Variants in EIF3H observed in about 807,000 individuals in gnomAD.
The protein encoded by EIF3H is eIF-3-gamma.
A neutral mutation model predicts 44.2 loss-of-function variants in EIF3H; 26 were observed. The ratio of observed to expected loss-of-function variants is 0.59; its 90% CI spans 0.43 to 0.82. The LOEUF (loss-of-function observed/expected upper bound fraction) is 0.82. Ranked by LOEUF, EIF3H falls within the 40% of genes least tolerant of loss-of-function variation. EIF3H has a pLI of 0.00. For missense variants in EIF3H, 359 were observed against 432.8 expected (o/e 0.83, Z 1.51); for synonymous variants, 166 against 151.9 (o/e 1.09, Z -0.68).
intron 2 of EIF3H, among the ~76,000 whole-genome samples, chr8:116,670,586 A>G (rs1813735958): frequency 6.6e-6 from 1 of 152,166 alleles, no homozygotes; most frequent in Non-Finnish European, 1.5e-5. Context: ...GAAAGAGAAA[A>G]AGCTGTGCAT....
intron 2 of EIF3H, among the ~76,000 whole-genome samples, chr8:116,714,180 T>C (rs1378495161): frequency 1.3e-5 from 2 of 152,106 alleles, no homozygotes; most frequent in East Asian, 3.8e-4. Flanking sequence ...GAGGTGTGTG[T>C]GCCACTTATG....
At chr8:116,683,514 A>T (rs1814025163) in intron 2 of EIF3H, among the ~76,000 whole-genome samples, 2 of 152,212 alleles carry the variant, frequency 1.3e-5, no homozygotes, top group Admixed American at 6.5e-5. Context: ...TCCAGCTATC[A>T]TCACACTGAG....
intron 2 of EIF3H, among the ~76,000 whole-genome samples, chr8:116,691,382 T>C (rs1814171430): frequency 1.3e-5 from 2 of 152,130 alleles, no homozygotes; most frequent in Admixed American, 6.6e-5. Context: ...TGGGTATTAC[T>C]CTGTCTAAAA....
chr8:116,698,400 C>T (rs1031031102), intron 2 of EIF3H, among the ~76,000 whole-genome samples: 1 of 152,154 alleles, frequency 6.6e-6, no homozygotes, highest in Non-Finnish European at 1.5e-5. Context: ...GTAGACACCA[C>T]ATTCTCCTAT....
At chr8:116,716,324 C>G (rs1814658813) in intron 2 of EIF3H, among the ~76,000 whole-genome samples, 1 of 152,020 alleles carries the variant, frequency 6.6e-6, no homozygotes, top group Non-Finnish European at 1.5e-5. Context: ...AGTCACAGGT[C>G]AGCAACCATG....
chr8:116,672,804 G>T (rs1813779275), intron 2 of EIF3H, among the ~76,000 whole-genome samples: 1 of 151,952 alleles, frequency 6.6e-6, no homozygotes, highest in Non-Finnish European at 1.5e-5. Flanking sequence ...ATCTGAAAAG[G>T]AGGAGGAGGC....
At chr8:116,729,554 T>C (rs1286462778) in intron 1 of EIF3H, among the ~76,000 whole-genome samples, 2 of 152,150 alleles carry the variant, frequency 1.3e-5, no homozygotes, top group Non-Finnish European at 2.9e-5. Flanking sequence ...AAGAAATAAT[T>C]ATCTCGCTCT....
At chr8:116,694,913 A>AACATAGTAAC (rs1257136698) in intron 2 of EIF3H, among the ~76,000 whole-genome samples, 4 of 152,208 alleles carry the variant, frequency 2.6e-5, no homozygotes, top group African/African-American at 9.6e-5. Context: ...GCTGTATTCC[A>AACATAGTAAC]ACATAGTAAC....
chr8:116,682,750 TA>T (rs1814011990), intron 2 of EIF3H, among the ~76,000 whole-genome samples: 1 of 152,186 alleles, frequency 6.6e-6, no homozygotes, highest in African/African-American at 2.4e-5. Context: ...TATTGAGGGG[TA>T]AAAGTCTTAC....
intron 2 of EIF3H, among the ~76,000 whole-genome samples, chr8:116,708,305 A>G (rs943009483): frequency 4.0e-5 from 6 of 151,846 alleles, no homozygotes; most frequent in Admixed American, 1.3e-4. Flanking sequence ...CCTCATTATT[A>G]TTATTATTAT....
chr8:116,656,056 AAACT>A, intron 4 of EIF3H, 51 bp from the exon 5 acceptor site: 1 of 1,564,076 alleles, frequency 6.4e-7, no homozygotes, highest in South Asian at 1.2e-5. Context: ...AGTAAGTGCT[AAACT>A]GACTACTTCA....
intron 2 of EIF3H, among the ~76,000 whole-genome samples, chr8:116,666,776 A>AT: frequency 6.6e-6 from 1 of 150,970 alleles, no homozygotes; most frequent in East Asian, 1.9e-4. Flanking sequence ...AAAAAAAAAA[A>AT]TTACACTATG....
intron 1 of EIF3H, among the ~76,000 whole-genome samples, chr8:116,738,429 T>G (rs1304784952): frequency 6.6e-6 from 1 of 152,150 alleles, no homozygotes; most frequent in Non-Finnish European, 1.5e-5. Context: ...TTAACCTGAC[T>G]CCTCTTCAAC....
At chr8:116,671,098 G>A (rs1313340398) in intron 2 of EIF3H, among the ~76,000 whole-genome samples, 1 of 152,170 alleles carries the variant, frequency 6.6e-6, no homozygotes, top group African/African-American at 2.4e-5. Context: ...TAACTTCTAT[G>A]GGCTATACTG....
intron 2 of EIF3H, among the ~76,000 whole-genome samples, chr8:116,672,221 T>C (rs531356943): frequency 1.3e-5 from 2 of 152,350 alleles, no homozygotes; most frequent in East Asian, 1.9e-4. Context: ...CAATTATCTC[T>C]ACTGTGTGTT....
chr8:116,727,075 G>A (rs866429888), intron 1 of EIF3H, among the ~76,000 whole-genome samples: 7 of 152,180 alleles, frequency 4.6e-5, no homozygotes, highest in Non-Finnish European at 8.8e-5. Flanking sequence ...TTATTTGTAC[G>A]TTATTAGTGT....
chr8:116,668,026 C>A (rs1813696144), intron 2 of EIF3H, among the ~76,000 whole-genome samples: 1 of 152,086 alleles, frequency 6.6e-6, no homozygotes, highest in South Asian at 2.1e-4. Context: ...GTTTATTAAC[C>A]CCATCCTCAA....
rs1380724789 is a variant in EIF3H, at chr8:116,643,764, G to C, written c.*1242C>G. 6.6e-6 allele frequency: 1 copy of C among 152,206 alleles called. No homozygotes were observed. Among genetic ancestry groups the C allele is most frequent in the African/African-American group, 2.4e-5 (1 of 41,516 alleles). The allele number at this position is 152,206 out of a possible 1,614,324, so 9.4% of individuals were successfully genotyped here. ...ATGTTGTCCAAAAAATGAATTTCTC[G>C]ACTCTCCTGATCTTTCACCCATCTC... is the stretch of plus-strand genomic sequence containing the variant. On this transcript the variant is annotated 3_prime_UTR_variant, in exon 8 of 8. Coordinates refer to ENST00000521861, the MANE Select transcript of EIF3H (RefSeq NM_003756.3).
At chr8:116,659,611 A>G (rs75048344) in intron 2 of EIF3H, among the ~76,000 whole-genome samples, 1,730 of 152,308 alleles carry the variant, frequency 0.011, 8 homozygotes, top group Non-Finnish European at 0.019. Context: ...AGTAACAGAT[A>G]CTATGTTTTC....
Sources: gnomAD v4.1 joint callset for allele counts (sites outside exome capture counted in the v4.1 genomes callset) on GRCh38, gnomAD v4.1.1 for gene constraint, MANE v1.5 for transcripts, NCBI Gene and HGNC (gene_info 2026-07-23, HGNC 2026-07-21) for gene names.